The following ANK3 variants were observed in gnomAD, a reference collection of about 807,000 sequenced individuals.
ANK3 encodes the protein ankyrin-3.
In ANK3, 57 loss-of-function variants were observed where a neutral mutation model predicts 370.9. That is an observed-to-expected ratio of 0.15 (90% CI 0.12 to 0.19). The LOEUF (loss-of-function observed/expected upper bound fraction) is 0.19, where lower values mean the gene tolerates loss of function less well. Among genes scored for constraint, ANK3 ranks in the 10% least tolerant of loss-of-function variants. The pLI, the probability that ANK3 is intolerant of heterozygous loss-of-function variation, is 1.00. For synonymous variants in ANK3, 1,929 were observed against 1,946.3 expected, an observed-to-expected ratio of 0.99 and a Z score of 0.23; for missense variants, 4,439 against 5,302.1, an observed-to-expected ratio of 0.84 and a Z score of 5.06.
intron 7 of ANK3, among the ~76,000 whole-genome samples, chr10:60,252,361 T>C (rs1199212823): frequency 1.3e-5 from 2 of 152,192 alleles, no homozygotes; most frequent in Admixed American, 6.5e-5. Context: ...TAGCAGAGCA[T>C]CAGTCTGGGG....
intron 1 of ANK3, among the ~76,000 whole-genome samples, chr10:60,353,246 G>C (rs1802176065): frequency 6.7e-6 from 1 of 149,904 alleles, no homozygotes; most frequent in Non-Finnish European, 1.5e-5. Context: ...ACCTGCCTCA[G>C]CCTCCCAAAA....
intron 1 of ANK3, among the ~76,000 whole-genome samples, chr10:60,641,661 C>T (rs1451308733): frequency 1.3e-5 from 2 of 152,016 alleles, no homozygotes; most frequent in Non-Finnish European, 2.9e-5. Flanking sequence ...AATGTTAGAC[C>T]TAAAACCATA....
intron 1 of ANK3, among the ~76,000 whole-genome samples, chr10:60,285,412 T>C (rs2098229606): frequency 6.6e-6 from 1 of 152,142 alleles, no homozygotes; most frequent in Admixed American, 6.6e-5. Context: ...ATCAATACTG[T>C]CTCTCTGTAT....
chr10:60,397,274 G>C lies in ANK3; in HGVS notation c.97-117635C>G, dbSNP rs78235878. Among the ~76,000 whole-genome samples the C allele has an allele frequency of 2.0e-5, 3 of 150,486 alleles. No homozygotes were observed. In the East Asian group the frequency reaches 5.8e-4, roughly 29 times the overall value. On this transcript the variant is annotated intron_variant, in intron 2 of 43. Coordinates refer to the ANK3 transcript ENST00000373827. ...CAGTCAAATTTCAGACTAAAACTCA[G>C]ATAATAATTCTTTAGCATATTGTGG...
At chr10:60,508,810 T>C (rs957949677) in intron 2 of ANK3, among the ~76,000 whole-genome samples, 11 of 152,178 alleles carry the variant, frequency 7.2e-5, no homozygotes, top group African/African-American at 1.4e-4. Context: ...CTACAATCTA[T>C]AAATTCTTTG....
At position 60,492,298 on chromosome 10, in the gene ANK3, C is replaced by T. The variant is rs118171972; in HGVS notation, c.96+122888G>A. Among the ~76,000 whole-genome samples the T allele has an allele frequency of 6.6e-4, 101 of 152,270 alleles. 1 individual carries two copies. The East Asian group carries it at 0.017, about 26-fold the overall frequency. On this transcript the variant is annotated intron_variant, in intron 2 of 43. Coordinates refer to the ANK3 transcript ENST00000373827. ...GCTACCATCACCATCACCATGATTC[C>T]CTCATCCTCAGTTCTCCTGGCAGAG...
intron 7 of ANK3, among the ~76,000 whole-genome samples, chr10:60,255,727 C>T (rs1049490691): frequency 9.9e-5 from 15 of 152,086 alleles, no homozygotes; most frequent in Admixed American, 8.5e-4. Flanking sequence ...GATGGACATG[C>T]GATATATCTG....
rs192705648 is a variant in ANK3 at position 60,250,507 on chromosome 10, G to A, written c.798+11352C>T. On this transcript the variant is annotated intron_variant, in intron 7 of 43. Coordinates refer to ENST00000280772, the MANE Select transcript of ANK3 (RefSeq NM_020987.5). The stretch of plus-strand genomic sequence containing the variant: ...AGCCTCCCCAGTAGCTGGGACTACA[G>A]GTGCCTGCCACCACGCCCAGCTAAT... Among the ~76,000 whole-genome samples the A allele has an allele frequency of 3.7e-3, 558 of 152,240 alleles. 4 individuals are homozygous for A. The highest frequency in any genetic ancestry group is 0.027 in the Admixed American group (419 of 15,288).
intron 2 of ANK3, among the ~76,000 whole-genome samples, chr10:60,441,019 A>T (rs2064287737): frequency 6.6e-6 from 1 of 152,158 alleles, no homozygotes; most frequent in African/African-American, 2.4e-5. Context: ...GGCAATGCTG[A>T]TTTAGGAGTA....
chr10:60,273,035 G>A (rs571434118), intron 4 of ANK3, among the ~76,000 whole-genome samples: 1 of 152,226 alleles, frequency 6.6e-6, no homozygotes, highest in South Asian at 2.1e-4. Flanking sequence ...GGGTTTTAAG[G>A]TAATGCTTTC....
intron 1 of ANK3, among the ~76,000 whole-genome samples, chr10:60,351,751 G>T (rs1282077824): frequency 6.6e-6 from 1 of 152,130 alleles, no homozygotes; most frequent in African/African-American, 2.4e-5. Context: ...GGCAGCCACA[G>T]ATGGGCAGAG....
chr10:60,455,439 A>G (rs1479765031), intron 2 of ANK3, among the ~76,000 whole-genome samples: 1 of 152,212 alleles, frequency 6.6e-6, no homozygotes, highest in African/African-American at 2.4e-5. Context: ...AAAACAACTT[A>G]AGCAGCAACA....
intron 1 of ANK3, among the ~76,000 whole-genome samples, chr10:60,680,136 G>GA (rs2079175503): frequency 2.9e-5 from 1 of 35,022 alleles, no homozygotes; most frequent in East Asian, 6.1e-4. Context: ...CTCTGTCTCG[G>GA]GAAAAAAAAA....
rs11368213 is a variant in ANK3, at chr10:60,272,484, G to GT, written c.415-2256dup. On this transcript the variant is annotated intron_variant, in intron 4 of 43. Coordinates refer to ENST00000280772, the MANE Select transcript of ANK3 (RefSeq NM_020987.5). ...GTTGTTGTTGTTGTTGTTCTTGTTTGTTTTTTTTTTGTTGAGACAGAGTCT... is the reference window on the plus strand; with the variant it reads ...GTTGTTGTTGTTGTTGTTCTTGTTTGTTTTTTTTTTTGTTGAGACAGAGTCT... 7.8e-4 allele frequency among the ~76,000 whole-genome samples: 115 copies of GT among 147,244 alleles called. 1 individual carries two copies. Among genetic ancestry groups the GT allele is most frequent in the Non-Finnish European group, 1.3e-3 (89 of 67,468 alleles).
chr10:60,228,225 A>G (rs1319291564), intron 8 of ANK3, among the ~76,000 whole-genome samples: 2 of 152,202 alleles, frequency 1.3e-5, no homozygotes, highest in Non-Finnish European at 2.9e-5. Context: ...GTTGGTAGAT[A>G]CTGAATAACC....
chr10:60,124,396 G>A (rs537505795), intron 25 of ANK3, among the ~76,000 whole-genome samples: 2 of 151,946 alleles, frequency 1.3e-5, no homozygotes, highest in African/African-American at 2.4e-5. Context: ...GGCAGGTCTC[G>A]AACTCCTGGC....
chr10:60,472,963 C>A (rs2065254139), intron 2 of ANK3, among the ~76,000 whole-genome samples: 1 of 152,160 alleles, frequency 6.6e-6, no homozygotes, highest in Non-Finnish European at 1.5e-5. Context: ...AGGGCAGCAA[C>A]CTACAGTTCC....
intron 1 of ANK3, among the ~76,000 whole-genome samples, chr10:60,711,475 G>A (rs1221694327): frequency 6.6e-6 from 1 of 151,830 alleles, no homozygotes; most frequent in South Asian, 2.1e-4. Context: ...CACAGCTGAG[G>A]AAAGCATTAA....
At chr10:60,165,903 A>G (rs1272123954) in intron 23 of ANK3, among the ~76,000 whole-genome samples, 1 of 152,184 alleles carries the variant, frequency 6.6e-6, no homozygotes, top group African/African-American at 2.4e-5. Context: ...TCATCAGTAC[A>G]ATATTTACTC....
Sources: gnomAD v4.1 joint callset for allele counts (sites outside exome capture counted in the v4.1 genomes callset) on GRCh38, gnomAD v4.1.1 for gene constraint, MANE v1.5 for transcripts, NCBI Gene and HGNC (gene_info 2026-07-23, HGNC 2026-07-21) for gene names.